BACH2: variants seen among roughly 807,000 people sequenced by gnomAD.
BACH2 encodes the protein transcription regulator protein BACH2.
Under a neutral mutation model 61.8 loss-of-function variants are expected in BACH2, and 5 were observed. The ratio of observed to expected loss-of-function variants is 0.08; its 90% CI spans 0.04 to 0.17. The LOEUF (loss-of-function observed/expected upper bound fraction) is 0.17. BACH2 is among the 10% of genes least tolerant of loss of function. The probability of loss-of-function intolerance (pLI) is 1.00; values close to 1 mark genes in which losing one functional copy is unlikely to be tolerated. For synonymous variants in BACH2, 446 were observed against 440.1 expected (o/e 1.01, Z -0.17); for missense variants, 824 against 1,091.1 (o/e 0.76, Z 3.45).
chr6:90,232,072 G>A (rs1314084125), intron 3 of BACH2, among the ~76,000 whole-genome samples: 1 of 152,128 alleles, frequency 6.6e-6, no homozygotes, highest in African/African-American at 2.4e-5. Context: ...GCCTTGCAAG[G>A]TTTTCAACTC....
intron 2 of BACH2, among the ~76,000 whole-genome samples, chr6:90,270,214 T>C (rs1771475162): frequency 6.6e-6 from 1 of 152,216 alleles, no homozygotes; most frequent in African/African-American, 2.4e-5. Flanking sequence ...GTCTTTTTCA[T>C]ATAATGACTT....
chr6:89,936,460 A>G (rs941381627), intron 8 of BACH2, among the ~76,000 whole-genome samples: 1 of 152,190 alleles, frequency 6.6e-6, no homozygotes, highest in Admixed American at 6.5e-5. Flanking sequence ...ACTCTTAAAG[A>G]ACAAAGGAGA....
intron 5 of BACH2, among the ~76,000 whole-genome samples, chr6:90,017,551 C>T (rs181627058): frequency 1.8e-4 from 27 of 152,196 alleles, no homozygotes; most frequent in Admixed American, 3.3e-4. Flanking sequence ...GCTAACCCTT[C>T]GAGTTCACTA....
In BACH2 at chr6:89,976,947, T is replaced by C. The variant is rs565679083; in HGVS notation, c.244-25085A>G. 1.2e-4 allele frequency among the ~76,000 whole-genome samples: 18 copies of C among 152,346 alleles called. No homozygotes were observed. In the South Asian group the frequency reaches 3.1e-3, roughly 26 times the overall value. On this transcript the variant is annotated intron_variant, in intron 6 of 8. Transcript: ENST00000257749. ...ACCAGAAAAAGGTCTGCTCGCTATTTACAAATTCACTTTTCTTTAAAGCTT... is the reference window on the plus strand; with the variant it reads ...ACCAGAAAAAGGTCTGCTCGCTATTCACAAATTCACTTTTCTTTAAAGCTT...
At chr6:90,183,029 T>C (rs1486333884) in intron 4 of BACH2, among the ~76,000 whole-genome samples, 1 of 152,252 alleles carries the variant, frequency 6.6e-6, no homozygotes, top group Non-Finnish European at 1.5e-5. Flanking sequence ...TTTTCATTTT[T>C]ATAAAACAAA....
chr6:89,938,605 A>G (rs1212414261), intron 7 of BACH2, among the ~76,000 whole-genome samples: 2 of 152,260 alleles, frequency 1.3e-5, no homozygotes, highest in African/African-American at 4.8e-5. Flanking sequence ...CATGAACAAT[A>G]TTGGAAAATG....
chr6:90,091,457 G>A (rs912813321), intron 4 of BACH2, among the ~76,000 whole-genome samples: 2 of 152,008 alleles, frequency 1.3e-5, no homozygotes, highest in African/African-American at 4.8e-5. Context: ...TCCCAAATGT[G>A]GCTACGAATT....
At chr6:90,218,445 C>T (rs1014626189) in intron 3 of BACH2, among the ~76,000 whole-genome samples, 2 of 152,030 alleles carry the variant, frequency 1.3e-5, no homozygotes, top group South Asian at 2.1e-4. Flanking sequence ...AGCAGGGCAG[C>T]GCACATTCCC....
intron 4 of BACH2, among the ~76,000 whole-genome samples, chr6:90,124,148 C>T (rs1238950103): frequency 2.0e-5 from 3 of 152,184 alleles, no homozygotes; most frequent in African/African-American, 7.2e-5. Context: ...ATGATGGGCC[C>T]AGGTGGTCTG....
intron 3 of BACH2, among the ~76,000 whole-genome samples, chr6:90,238,051 A>T (rs1188726395): frequency 6.6e-6 from 1 of 152,256 alleles, no homozygotes; most frequent in East Asian, 1.9e-4. Context: ...ATTATTACTA[A>T]CCTGGCTTTA....
At chr6:90,072,141 CT>C (rs1337450345) in intron 5 of BACH2, among the ~76,000 whole-genome samples, 1 of 152,180 alleles carries the variant, frequency 6.6e-6, no homozygotes, top group African/African-American at 2.4e-5. Flanking sequence ...CTATGTTCTC[CT>C]GTTTTAAGAA....
At chr6:90,064,823 A>C (rs1780861204) in intron 5 of BACH2, among the ~76,000 whole-genome samples, 1 of 152,224 alleles carries the variant, frequency 6.6e-6, no homozygotes, top group African/African-American at 2.4e-5. Flanking sequence ...TGCTTTGTAC[A>C]TCATTGTATC....
At chr6:90,247,355 C>A (rs1770672247) in intron 3 of BACH2, among the ~76,000 whole-genome samples, 1 of 151,534 alleles carries the variant, frequency 6.6e-6, no homozygotes, top group African/African-American at 2.4e-5. Context: ...CCTGTTTCAA[C>A]CTCCTTAGTA....
intron 4 of BACH2, among the ~76,000 whole-genome samples, chr6:90,167,389 C>G (rs1767663707): frequency 6.6e-6 from 1 of 151,926 alleles, no homozygotes; most frequent in South Asian, 2.1e-4. Flanking sequence ...GAGTCTCGCT[C>G]TTGTTGCCCA....
chr6:90,112,548 A>T (rs772442531), intron 4 of BACH2, among the ~76,000 whole-genome samples: 9 of 152,212 alleles, frequency 5.9e-5, no homozygotes, highest in Non-Finnish European at 8.8e-5. Flanking sequence ...CAGATAAACA[A>T]AGGTTGAGGA....
At chr6:90,296,201 A>C (rs1772374153) in intron 1 of BACH2, among the ~76,000 whole-genome samples, 1 of 152,026 alleles carries the variant, frequency 6.6e-6, no homozygotes, top group South Asian at 2.1e-4. Flanking sequence ...ACGCCAGCAA[A>C]ATACAATGCG....
At chr6:90,137,928 A>G (rs1201832340) in intron 4 of BACH2, among the ~76,000 whole-genome samples, 1 of 152,148 alleles carries the variant, frequency 6.6e-6, no homozygotes, top group Non-Finnish European at 1.5e-5. Flanking sequence ...TGATCAGAGC[A>G]AGTGATTTCA....
At chr6:90,030,098 T>C (rs1778881559) in intron 5 of BACH2, among the ~76,000 whole-genome samples, 1 of 152,180 alleles carries the variant, frequency 6.6e-6, no homozygotes, top group Non-Finnish European at 1.5e-5. Context: ...CAGAGTAGAA[T>C]TAGGCTGTTC....
chr6:90,279,224 TA>T (rs528798365), intron 1 of BACH2, among the ~76,000 whole-genome samples: 14 of 148,156 alleles, frequency 9.4e-5, no homozygotes, highest in Admixed American at 2.0e-4. Context: ...ATCTTGCTCT[TA>T]AAAAAAAAAG....
Sources: gnomAD v4.1 joint callset for allele counts (sites outside exome capture counted in the v4.1 genomes callset) on GRCh38, gnomAD v4.1.1 for gene constraint, MANE v1.5 for transcripts, NCBI Gene and HGNC (gene_info 2026-07-23, HGNC 2026-07-21) for gene names.